The following VPS13B variants were observed in gnomAD, a reference collection of about 807,000 sequenced individuals.
VPS13B encodes intermembrane lipid transfer protein VPS13B.
Under a neutral mutation model 426.4 loss-of-function variants are expected in VPS13B, and 285 were observed. The ratio of observed to expected loss-of-function variants is 0.67; its 90% CI spans 0.61 to 0.74. The LOEUF is 0.74. Ranked by LOEUF, VPS13B falls within the 30% of genes least tolerant of loss-of-function variation. The probability of loss-of-function intolerance (pLI) is 0.00; values close to 1 mark genes in which losing one functional copy is unlikely to be tolerated. For missense variants in VPS13B, 4,537 were observed against 4,782.6 expected, an observed-to-expected ratio of 0.95 and a Z score of 1.51; for synonymous variants, 1,676 against 1,676.4, an observed-to-expected ratio of 1.00 and a Z score of 0.01.
chr8:99,823,360 T>G (rs531467207), intron 50 of VPS13B, among the ~76,000 whole-genome samples: 91 of 152,154 alleles, frequency 6.0e-4, no homozygotes, highest in Non-Finnish European at 6.8e-4. Context: ...TCAATCCTTA[T>G]TGTCTTCATT....
At chr8:99,443,115 A>G (rs1419795691) in intron 23 of VPS13B, among the ~76,000 whole-genome samples, 2 of 151,978 alleles carry the variant, frequency 1.3e-5, no homozygotes, top group African/African-American at 2.4e-5. Context: ...CCTTTCTCCA[A>G]TATATATATA....
chr8:99,699,744 G>A lies in VPS13B; in HGVS notation c.6266G>A (p.Gly2089Glu), dbSNP rs398124336. Residue 2089 changes from glycine to glutamate, a missense_variant, in exon 36 of 62, where the codon GGA (glycine) becomes GAA (glutamate). Gly to Glu is a moderately conservative substitution (Grantham distance 98). Transcript: ENST00000357162. ...TCTAAACCCAAAATTCATGGTGATG[G>A]AGTGCAAAAGATTTCAGCTCAAGAA... The part of the protein sequence containing the change: ...KLSKPKIHGD[G>E]VQKISAQENM... 1.2e-6 allele frequency: 2 copies of A among 1,614,124 alleles called. No homozygotes were observed. Among genetic ancestry groups the A allele is most frequent in the Non-Finnish European group, 1.7e-6 (2 of 1,180,020 alleles).
chr8:99,055,437 A>T (rs1287183556), intron 3 of VPS13B, among the ~76,000 whole-genome samples: 2 of 152,126 alleles, frequency 1.3e-5, no homozygotes, highest in Admixed American at 6.5e-5. Flanking sequence ...GGCCATTGGA[A>T]TTATAATAGG....
intron 17 of VPS13B, among the ~76,000 whole-genome samples, chr8:99,263,584 C>T (rs1248797903): frequency 6.6e-6 from 1 of 152,154 alleles, no homozygotes; most frequent in Non-Finnish European, 1.5e-5. Flanking sequence ...TGACCCCCTT[C>T]CCCCATCTCT....
chr8:99,116,335 A>T lies in VPS13B; in HGVS notation c.937+461A>T, dbSNP rs148058416. ...GCATGAGCCACTGTGCCCAGCCTACACTACTTTAATTTTATCTACATGCTG... is the reference window on the plus strand; with the variant it reads ...GCATGAGCCACTGTGCCCAGCCTACTCTACTTTAATTTTATCTACATGCTG... On this transcript the variant is annotated intron_variant, in intron 7 of 61. Coordinates refer to ENST00000357162, the MANE Select transcript of VPS13B (RefSeq NM_152564.5). Among the ~76,000 whole-genome samples, 922 of 151,380 alleles carry T rather than the reference A, an allele frequency of 6.1e-3. 12 individuals are homozygous for T. Among genetic ancestry groups the T allele is most frequent in the African/African-American group, 0.021 (877 of 41,320 alleles).
chr8:99,640,226 A>G (rs1324962640), intron 33 of VPS13B, among the ~76,000 whole-genome samples: 1 of 152,016 alleles, frequency 6.6e-6, no homozygotes, highest in Non-Finnish European at 1.5e-5. Context: ...CAGTAACTTT[A>G]AACTTTTTCG....
chr8:99,488,588 C>T (rs912438161), intron 25 of VPS13B, among the ~76,000 whole-genome samples: 13 of 151,982 alleles, frequency 8.6e-5, no homozygotes, highest in East Asian at 1.9e-4. Context: ...GTTGTATTTT[C>T]GAAAAAGATT....
At chr8:99,411,899 AT>A (rs1815686739) in intron 21 of VPS13B, among the ~76,000 whole-genome samples, 2 of 151,420 alleles carry the variant, frequency 1.3e-5, no homozygotes, top group African/African-American at 4.9e-5. Context: ...GCTCTGTTCC[AT>A]TGGTCTATAT....
chr8:99,237,929 C>T (rs980791510), intron 17 of VPS13B, among the ~76,000 whole-genome samples: 7 of 150,286 alleles, frequency 4.7e-5, no homozygotes, highest in South Asian at 2.1e-4. Context: ...TAATGGCCTT[C>T]GTTTCTCCAA....
intron 35 of VPS13B, among the ~76,000 whole-genome samples, chr8:99,679,949 G>T (rs1053692830): frequency 1.3e-5 from 2 of 152,092 alleles, no homozygotes; most frequent in African/African-American, 2.4e-5. Context: ...TTGATTATGG[G>T]TTTGTTAGTT....
intron 31 of VPS13B, among the ~76,000 whole-genome samples, chr8:99,569,906 C>T (rs1326245120): frequency 2.0e-5 from 3 of 152,032 alleles, no homozygotes; most frequent in South Asian, 2.1e-4. Flanking sequence ...TTATTTTCAT[C>T]GAGGGTTTAA....
At chr8:99,830,446 C>T (rs1175243725) in intron 51 of VPS13B, among the ~76,000 whole-genome samples, 1 of 152,160 alleles carries the variant, frequency 6.6e-6, no homozygotes, top group Non-Finnish European at 1.5e-5. Flanking sequence ...GGATGCCCCT[C>T]CTCCCACCAA....
chr8:99,874,134 G>A (rs1281908872), intron 61 of VPS13B, among the ~76,000 whole-genome samples: 1 of 152,150 alleles, frequency 6.6e-6, no homozygotes, highest in East Asian at 1.9e-4. Flanking sequence ...CTTATGAGTG[G>A]CTCAAAATGA....
chr8:99,175,834 T>C (rs1812598213), intron 16 of VPS13B, among the ~76,000 whole-genome samples: 1 of 152,212 alleles, frequency 6.6e-6, no homozygotes, highest in Non-Finnish European at 1.5e-5. Flanking sequence ...ATGGCACCAT[T>C]CAGAGCTGAT....
chr8:99,699,027 C>A (rs990290570), intron 35 of VPS13B, among the ~76,000 whole-genome samples: 1 of 149,134 alleles, frequency 6.7e-6, no homozygotes, highest in Admixed American at 6.7e-5. Context: ...GGGAAACAGA[C>A]ATTTTCTGCA....
chr8:99,078,870 T>C (rs1845285828), intron 3 of VPS13B, among the ~76,000 whole-genome samples: 1 of 151,670 alleles, frequency 6.6e-6, no homozygotes, highest in East Asian at 1.9e-4. Flanking sequence ...CTGAGCAAGT[T>C]GGTATATAGG....
intron 17 of VPS13B, among the ~76,000 whole-genome samples, chr8:99,226,867 T>C (rs1452067444): frequency 1.3e-5 from 2 of 152,230 alleles, no homozygotes; most frequent in African/African-American, 4.8e-5. Context: ...ACCTTGAGTA[T>C]TTATCATTTC....
chr8:99,500,961 A>T (rs1821199250), intron 25 of VPS13B, among the ~76,000 whole-genome samples: 1 of 152,196 alleles, frequency 6.6e-6, no homozygotes, highest in African/African-American at 2.4e-5. Context: ...TGACTTTAGG[A>T]CCTTATACAT....
rs540333784 is a variant in VPS13B at position 99,060,440 on chromosome 8, C to T, written c.291+21874C>T. On this transcript the variant is annotated intron_variant, in intron 3 of 61. Coordinates refer to ENST00000357162, the MANE Select transcript of VPS13B (RefSeq NM_152564.5). The stretch of plus-strand genomic sequence containing the variant: ...CCTGGTCAACATGGCAAAACCCCAT[C>T]TCTACTAAAAATACAAAAATTAGCC... 7.9e-5 allele frequency among the ~76,000 whole-genome samples: 12 copies of T among 152,126 alleles called. No homozygotes were observed. In the South Asian group the frequency reaches 2.5e-3, roughly 32 times the overall value.
Sources: allele counts gnomAD v4.1 joint callset (sites outside exome capture counted in the v4.1 genomes callset), GRCh38; gene constraint gnomAD v4.1.1; transcripts MANE v1.5; gene names NCBI Gene and HGNC (gene_info 2026-07-23, HGNC 2026-07-21).